The following PCDHGB7 variants were observed in gnomAD, a reference collection of about 807,000 sequenced individuals.
PCDHGB7 encodes protocadherin gamma-B7.
A neutral mutation model predicts 61.4 loss-of-function variants in PCDHGB7; 37 were observed. The ratio of observed to expected loss-of-function variants is 0.60; its 90% CI spans 0.46 to 0.79. PCDHGB7 has a LOEUF of 0.79. PCDHGB7 is among the 30% of genes least tolerant of loss of function. The probability of loss-of-function intolerance (pLI) is 0.00; values close to 1 mark genes in which losing one functional copy is unlikely to be tolerated. For missense variants in PCDHGB7, 1,166 were observed against 1,202.5 expected, an observed-to-expected ratio of 0.97 and a Z score of 0.45; for synonymous variants, 464 against 503.5, an observed-to-expected ratio of 0.92 and a Z score of 1.05.
At chr5:141,484,750 GTA>G (rs545232987) in intron 1 of PCDHGB7, among the ~76,000 whole-genome samples, 18 of 149,824 alleles carry the variant, frequency 1.2e-4, no homozygotes, top group Admixed American at 4.7e-4. Flanking sequence ...GAAAAAAAAT[GTA>G]TATATATATA....
At chr5:141,437,826 CT>C (rs1263000808) in intron 1 of PCDHGB7, among the ~76,000 whole-genome samples, 5 of 151,936 alleles carry the variant, frequency 3.3e-5, no homozygotes, top group African/African-American at 1.2e-4. Flanking sequence ...CAACCTCTGC[CT>C]CCTGGGTTCA....
rs4042104 is a variant in PCDHGB7 at position 141,489,091 on chromosome 5, T to TAAG, written c.2416-5713_2416-5711dup. On this transcript the variant is annotated intron_variant, in intron 1 of 3. Transcript: ENST00000398594. This position sits in a 1 kb window ranked among gnomAD's most constrained non-coding sequence, Gnocchi z 4.5. Reference sequence around the variant, plus strand: ...CTGCCCACCCCCGCCACTCGGTGACTAAGAACTGCTGCAAGCAGGCAAACC... The same window carrying TAAG: ...CTGCCCACCCCCGCCACTCGGTGACTAAGAAGAACTGCTGCAAGCAGGCAAACC... 136,009 of 332,164 alleles carry TAAG rather than the reference T, an allele frequency of 0.41. 28,517 individuals are homozygous for TAAG. The highest frequency in any genetic ancestry group is 0.54 in the Admixed American group (11,651 of 21,676). The allele number at this position is 332,164 out of a possible 1,614,324, so 20.6% of individuals were successfully genotyped here.
chr5:141,455,143 T>C (rs984886337), intron 1 of PCDHGB7, among the ~76,000 whole-genome samples: 1 of 149,894 alleles, frequency 6.7e-6, no homozygotes, highest in Non-Finnish European at 1.5e-5. Flanking sequence ...CTGTGTTAAA[T>C]AAATATTAGT....
intron 3 of PCDHGB7, among the ~76,000 whole-genome samples, chr5:141,505,926 G>A (rs114056147): frequency 0.012 from 1,893 of 152,254 alleles, 12 homozygotes; most frequent in Middle Eastern, 0.034. Context: ...TGGGCCTGGC[G>A]CTTGGAAGCC....
chr5:141,430,865 C>A, intron 1 of PCDHGB7: 2 of 1,595,350 alleles, frequency 1.3e-6, no homozygotes, highest in Non-Finnish European at 1.7e-6. Flanking sequence ...CTATTCAGTT[C>A]CGGAAGAGCT....
At chr5:141,474,461 CTT>C (rs1264129273) in intron 1 of PCDHGB7, among the ~76,000 whole-genome samples, 1 of 152,214 alleles carries the variant, frequency 6.6e-6, no homozygotes, top group East Asian at 1.9e-4. Context: ...GGGCTATACT[CTT>C]TATTCTAAAT....
At chr5:141,474,854 T>G (rs1007461186) in intron 1 of PCDHGB7, among the ~76,000 whole-genome samples, 3 of 152,260 alleles carry the variant, frequency 2.0e-5, no homozygotes, top group African/African-American at 7.2e-5. Flanking sequence ...CCTGCCTTCT[T>G]CATTTAATAG....
chr5:141,499,479 C>T (rs1019775735), intron 2 of PCDHGB7, among the ~76,000 whole-genome samples: 1 of 152,146 alleles, frequency 6.6e-6, no homozygotes. Context: ...AGAACCACCA[C>T]CAACTACAGT....
chr5:141,428,949 G>T (rs2097173007), intron 1 of PCDHGB7: 1 of 152,034 alleles, frequency 6.6e-6, no homozygotes, highest in Admixed American at 6.6e-5. Flanking sequence ...CTGCCTTCCG[G>T]GTTCTGGCCA....
At chr5:141,423,982 T>C in intron 1 of PCDHGB7, 3 of 1,106,134 alleles carry the variant, frequency 2.7e-6, no homozygotes, top group Non-Finnish European at 3.4e-6. Flanking sequence ...TGTATGAGGC[T>C]CTCAATTTAT....
At chr5:141,433,765 A>G (rs1389737053) in intron 1 of PCDHGB7, among the ~76,000 whole-genome samples, 1 of 148,692 alleles carries the variant, frequency 6.7e-6, no homozygotes, top group Non-Finnish European at 1.5e-5. Flanking sequence ...TTAACCTGGG[A>G]GGTGGAGGTT....
intron 1 of PCDHGB7, among the ~76,000 whole-genome samples, chr5:141,464,221 C>T (rs570804761): frequency 2.9e-4 from 44 of 149,624 alleles, no homozygotes; most frequent in African/African-American, 9.6e-4. Flanking sequence ...GCTGAGATTG[C>T]GCCACTGCAC....
intron 1 of PCDHGB7, chr5:141,430,555 TC>T (rs1232264614): frequency 9.7e-6 from 4 of 411,788 alleles, no homozygotes; most frequent in Non-Finnish European, 1.3e-5. Flanking sequence ...TGTTCACCAA[TC>T]GGGGAGAGAA....
chr5:141,431,438 C>A lies in PCDHGB7; in HGVS notation c.2415+11164C>A, dbSNP rs773812765. 6.2e-7 allele frequency: 1 copy of A among 1,613,612 alleles called. No homozygotes were observed. The highest frequency in any genetic ancestry group is 1.7e-5 in the Admixed American group (1 of 60,004). ...CGACCCGGTGCGCACAGGCACCGCG[C>A]GCATCCGCGTGATGGTTCTGGATGC... On this transcript the variant is annotated intron_variant, in intron 1 of 3. Coordinates refer to ENST00000398594, the MANE Select transcript of PCDHGB7 (RefSeq NM_018927.4). This position sits in a 1 kb window ranked among gnomAD's most constrained non-coding sequence, Gnocchi z 4.8.
At chr5:141,430,713 T>G in intron 1 of PCDHGB7, 1 of 1,481,944 alleles carries the variant, frequency 6.7e-7, no homozygotes, top group Non-Finnish European at 9.0e-7. Context: ...GCTCCTGACT[T>G]CAGTGGTTAA....
Position 141,487,501 on chromosome 5 carries a change from T to A in PCDHGB7, c.2416-7306T>A. 1 of 1,614,232 alleles carries A rather than the reference T, an allele frequency of 6.2e-7. No individual in the cohort carries two copies. Among genetic ancestry groups the A allele is most frequent in the Non-Finnish European group, 8.5e-7 (1 of 1,180,036 alleles). On this transcript the variant is annotated intron_variant, in intron 1 of 3. Transcript: ENST00000398594. This position sits in a 1 kb window ranked among gnomAD's most constrained non-coding sequence, Gnocchi z 5.0. ...ACTCTCATGGCTGTACACCCTTGGC[T>A]TCTGCACCCACTCGGAGTGATAGCT...
At chr5:141,463,532 T>G (rs1237301892) in intron 1 of PCDHGB7, among the ~76,000 whole-genome samples, 1 of 133,692 alleles carries the variant, frequency 7.5e-6, no homozygotes, top group African/African-American at 2.8e-5. Flanking sequence ...TACTAGAAAC[T>G]CCGGCTCCCG....
Position 141,489,968 on chromosome 5 carries a change from A to G in PCDHGB7, c.2416-4839A>G. 6.2e-7 allele frequency: 1 copy of G among 1,614,146 alleles called. No homozygotes were observed. The highest frequency in any genetic ancestry group is 2.2e-5 in the East Asian group (1 of 44,880). On this transcript the variant is annotated intron_variant, in intron 1 of 3. Coordinates refer to ENST00000398594, the MANE Select transcript of PCDHGB7 (RefSeq NM_018927.4). This position sits in a 1 kb window ranked among gnomAD's most constrained non-coding sequence, Gnocchi z 4.5. Reference sequence around the variant, plus strand: ...ATCAATGATAATGCTCCAACCTTCCAATCCTCAGTTCTACGTGTGGGAATC... The same window carrying G: ...ATCAATGATAATGCTCCAACCTTCCGATCCTCAGTTCTACGTGTGGGAATC...
At chr5:141,501,298 C>CAG (rs2099807427) in intron 2 of PCDHGB7, among the ~76,000 whole-genome samples, 1 of 148,330 alleles carries the variant, frequency 6.7e-6, no homozygotes, top group Non-Finnish European at 1.5e-5. Context: ...TATACACACA[C>CAG]ACACACACAC....
Sources: allele counts gnomAD v4.1 joint callset (sites outside exome capture counted in the v4.1 genomes callset), GRCh38; gene constraint gnomAD v4.1.1; non-coding constraint Gnocchi (gnomAD v3.1); transcripts MANE v1.5; gene names NCBI Gene and HGNC (gene_info 2026-07-23, HGNC 2026-07-21).